The following SVEP1 variants were observed in gnomAD, a reference collection of about 807,000 sequenced individuals.
SVEP1 encodes sushi, von Willebrand factor type A, EGF and pentraxin domain containing 1.
In SVEP1, 164 loss-of-function variants were observed where a neutral mutation model predicts 367.3. That is an observed-to-expected ratio of 0.45 (90% CI 0.39 to 0.51). The LOEUF is 0.51. SVEP1 is among the 20% of genes least tolerant of loss of function. The pLI, the probability that SVEP1 is intolerant of heterozygous loss-of-function variation, is 0.00. For synonymous variants in SVEP1, 1,666 were observed against 1,611.6 expected (o/e 1.03, Z -0.81); for missense variants, 4,117 against 4,425.3 (o/e 0.93, Z 1.98).
At chr9:110,375,183 G>T (rs749252489) in intron 46 of SVEP1, among the ~76,000 whole-genome samples, 185 bp downstream of exon 46, 1 of 152,044 alleles carries the variant, frequency 6.6e-6, no homozygotes, top group African/African-American at 2.4e-5. Context: ...ACCTGGAAAC[G>T]TGTTTAGGCA....
chr9:110,411,379 T>C lies in SVEP1; in HGVS notation c.6332A>G (p.Lys2111Arg). Residue 2111 changes from lysine (K) to arginine (R), a missense_variant, in exon 37 of 48, where the codon AAA becomes AGA. This residue lies in a region of SVEP1 where 2,174 missense variants were observed against 2,494.3 expected (regional missense o/e 0.87). Transcript: ENST00000374469. ...KFAAGSVVSF[K>R]CMEGFVLNTS... ...GTTCAGTACAAAGCCTTCCATGCAT[T>C]TAAAGCTCACAACTGAGCCAGCTGC... 6.2e-7 allele frequency: 1 copy of C among 1,614,058 alleles called. No homozygotes were observed. The highest frequency in any genetic ancestry group is 8.5e-7 in the Non-Finnish European group (1 of 1,179,912).
At chr9:110,403,296 G>GTGT (rs1827893050) in intron 39 of SVEP1, among the ~76,000 whole-genome samples, 8 of 43,458 alleles carry the variant, frequency 1.8e-4, no homozygotes, top group East Asian at 1.4e-3. Flanking sequence ...CGCCACCGCC[G>GTGT]TTTTTTTTTT....
At chr9:110,402,112 G>A (rs981108621) in intron 39 of SVEP1, among the ~76,000 whole-genome samples, 1 of 151,718 alleles carries the variant, frequency 6.6e-6, no homozygotes, top group African/African-American at 2.4e-5. Flanking sequence ...ACATATTATT[G>A]TTTTCTTTTG....
At chr9:110,399,282 G>A (rs1827819619) in intron 40 of SVEP1, among the ~76,000 whole-genome samples, 1 of 149,800 alleles carries the variant, frequency 6.7e-6, no homozygotes, top group Non-Finnish European at 1.5e-5. Flanking sequence ...ACTCATAGGT[G>A]AGAATTGAAC....
At chr9:110,527,411 G>A (rs1177127637) in intron 3 of SVEP1, among the ~76,000 whole-genome samples, 1 of 151,682 alleles carries the variant, frequency 6.6e-6, no homozygotes, top group Non-Finnish European at 1.5e-5. Flanking sequence ...TTTAATGATC[G>A]ATTCCTAAAA....
chr9:110,534,496 T>C (rs750993000), intron 3 of SVEP1, among the ~76,000 whole-genome samples: 18 of 152,206 alleles, frequency 1.2e-4, no homozygotes, highest in Non-Finnish European at 2.5e-4. Context: ...TTTGCATGCA[T>C]GTGTCTTTAT....
chr9:110,390,335 A>G (rs796517208), intron 40 of SVEP1, among the ~76,000 whole-genome samples: 1 of 7,984 alleles, frequency 1.3e-4, no homozygotes, highest in African/African-American at 9.1e-4. Context: ...TTATATATAC[A>G]CATACTTATA....
chr9:110,486,117 G>A (rs1395411154), intron 9 of SVEP1, among the ~76,000 whole-genome samples: 2 of 152,188 alleles, frequency 1.3e-5, no homozygotes, highest in Non-Finnish European at 2.9e-5. Context: ...CAAACAAGTT[G>A]CTGGATAAAG....
At chr9:110,435,479 AGGGAAG>A (rs1828419302) in intron 28 of SVEP1, 115 bp from the exon 29 acceptor site, 2 of 1,213,846 alleles carry the variant, frequency 1.6e-6, no homozygotes, top group South Asian at 3.0e-5. Context: ...ATGGGGGTGG[AGGGAAG>A]CAGGTATGAT....
chr9:110,438,249 C>T (rs538543794), intron 27 of SVEP1, among the ~76,000 whole-genome samples: 16 of 135,876 alleles, frequency 1.2e-4, no homozygotes, highest in Admixed American at 3.4e-4. Context: ...TGCAGTGGTG[C>T]GATCTCAGCT....
At chr9:110,488,804 T>C (rs545948152) in intron 9 of SVEP1, among the ~76,000 whole-genome samples, 1 of 152,120 alleles carries the variant, frequency 6.6e-6, no homozygotes, top group East Asian at 1.9e-4. Flanking sequence ...AGCCTAGGAA[T>C]TTGAGGCTGC....
At position 110,411,692 on chromosome 9, in the gene SVEP1, C is replaced by T. The variant is rs1446889132; in HGVS notation, c.6019G>A (p.Gly2007Ser). Residue 2007 changes from glycine (G) to serine (S), a missense_variant, in exon 37 of 48, where the codon GGC (glycine) becomes AGC (serine). By Grantham distance (56) the Gly-to-Ser change is moderately conservative. Transcript: ENST00000374469. ...TGCTGGTCACTTCTACTCCACTTGCCGTCGGCCAGGCATTCAATGGTGTCA... is the reference window on the plus strand; with the variant it reads ...TGCTGGTCACTTCTACTCCACTTGCTGTCGGCCAGGCATTCAATGGTGTCA... ...GLDTIECLADGKWSRSDQQCL... is the reference protein window; with the variant it reads ...GLDTIECLADSKWSRSDQQCL... 2.9e-5 allele frequency: 47 copies of T among 1,596,136 alleles called. No homozygotes were observed. Among genetic ancestry groups the T allele is most frequent in the Middle Eastern group, 1.7e-4 (1 of 6,038 alleles).
intron 40 of SVEP1, among the ~76,000 whole-genome samples, chr9:110,400,032 A>G (rs2118992459): frequency 6.6e-6 from 1 of 152,358 alleles, no homozygotes; most frequent in South Asian, 2.1e-4. Flanking sequence ...AGGGATTTTA[A>G]TATTACAAAG....
chr9:110,372,016 C>T (rs1827285069), intron 46 of SVEP1, among the ~76,000 whole-genome samples: 1 of 152,048 alleles, frequency 6.6e-6, no homozygotes, highest in Non-Finnish European at 1.5e-5. Flanking sequence ...TTGCACTTCG[C>T]ATGTGATGTG....
intron 14 of SVEP1, among the ~76,000 whole-genome samples, chr9:110,474,437 G>T (rs1278618951): frequency 1.3e-5 from 2 of 152,090 alleles, no homozygotes; most frequent in Non-Finnish European, 2.9e-5. Context: ...CTTTCTACTG[G>T]GAATACATTT....
At chr9:110,509,527 TG>T (rs1388237086) in intron 5 of SVEP1, among the ~76,000 whole-genome samples, 1 of 152,230 alleles carries the variant, frequency 6.6e-6, no homozygotes, top group Non-Finnish European at 1.5e-5. Context: ...CATGCTTTTT[TG>T]TAGTCAAGGT....
At chr9:110,501,510 G>GC (rs1171119301) in intron 6 of SVEP1, among the ~76,000 whole-genome samples, 1 of 151,444 alleles carries the variant, frequency 6.6e-6, no homozygotes, top group Non-Finnish European at 1.5e-5. Context: ...TTTGTTGTGG[G>GC]GGGGGCAGGC....
chr9:110,514,022 G>C lies in SVEP1; in HGVS notation c.1049C>G (p.Ser350Cys). The C allele has an allele frequency of 6.2e-7, 1 of 1,612,466 alleles. No homozygotes were observed. Among genetic ancestry groups the C allele is most frequent in the African/African-American group, 1.3e-5 (1 of 75,010 alleles). The change falls in exon 4 of 48, where the codon TCT becomes TGT. Residue 350 changes from serine (S) to cysteine (C), a missense_variant. Coordinates refer to ENST00000374469, the MANE Select transcript of SVEP1 (RefSeq NM_153366.4). ...TTCAGGGGATGTGCTTCCAGGTGGA[G>C]AGGTGTGATTTTCATCAGGACATGG... Reference protein sequence around the residue: ...CIPCPDENHTSPPGSTSPEDC... With the variant: ...CIPCPDENHTCPPGSTSPEDC...
At chr9:110,511,978 G>A (rs1211633500) in intron 5 of SVEP1, among the ~76,000 whole-genome samples, 1 of 152,060 alleles carries the variant, frequency 6.6e-6, no homozygotes, top group Non-Finnish European at 1.5e-5. Flanking sequence ...GCCAGATTTA[G>A]CAACAAACAA....
Sources: gnomAD v4.1 joint callset for allele counts (sites outside exome capture counted in the v4.1 genomes callset) on GRCh38, gnomAD v4.1.1 for gene constraint, gnomAD v4.1.1 regional missense constraint, MANE v1.5 for transcripts, NCBI Gene and HGNC (gene_info 2026-07-23, HGNC 2026-07-21) for gene names.